The following ABTB3 variants were observed in gnomAD, a reference collection of about 807,000 sequenced individuals.
The protein encoded by ABTB3 is ankyrin repeat- and BTB/POZ domain-containing protein 3.
the ABTB3 span, among the ~76,000 whole-genome samples, chr12:107,329,570 T>G: frequency 6.6e-6 from 1 of 152,258 alleles, no homozygotes; most frequent in Non-Finnish European, 1.5e-5. Flanking sequence ...ACTGAGTGAC[T>G]GAAAAGCCTT....
At chr12:107,559,268 G>T in the ABTB3 span, among the ~76,000 whole-genome samples, 7 of 152,280 alleles carry the variant, frequency 4.6e-5, no homozygotes, top group East Asian at 1.4e-3. Context: ...CCTTTCTCCC[G>T]AATGGTCCCA....
At chr12:107,651,541 C>A in the ABTB3 span, 2 of 563,010 alleles carry the variant, frequency 3.6e-6, no homozygotes, top group Non-Finnish European at 6.6e-6. Context: ...CTTTGTGCAT[C>A]ATTTCCCGTC....
chr12:107,617,596 A>G, the ABTB3 span: 3 of 869,492 alleles, frequency 3.5e-6, no homozygotes, highest in African/African-American at 3.4e-5. Flanking sequence ...CCTACCTGCC[A>G]GCTGACAGCC....
chr12:107,637,784 TTTTGTGTGTGTGTG>T, the ABTB3 span, among the ~76,000 whole-genome samples: 10 of 94,812 alleles, frequency 1.1e-4, no homozygotes, highest in Admixed American at 3.8e-4. Flanking sequence ...AGAGCACTGA[TTTTGTGTGTGTGTG>T]TGTGTGTGTG....
the ABTB3 span, among the ~76,000 whole-genome samples, chr12:107,525,727 G>A: frequency 1.3e-5 from 2 of 152,182 alleles, no homozygotes; most frequent in Non-Finnish European, 2.9e-5. Context: ...TTTCCTCAGG[G>A]CCTCATATTA....
the ABTB3 span, chr12:107,319,890 C>A: frequency 7.5e-7 from 1 of 1,339,072 alleles, no homozygotes; most frequent in Non-Finnish European, 9.8e-7. Flanking sequence ...TGCGCCCCGC[C>A]GGCCGCCGCG....
the ABTB3 span, chr12:107,657,790 G>A: frequency 2.0e-6 from 3 of 1,516,294 alleles, no homozygotes; most frequent in Middle Eastern, 2.3e-4. Context: ...CACAAACACA[G>A]ACAAATTCCA....
the ABTB3 span, among the ~76,000 whole-genome samples, chr12:107,487,214 G>A: frequency 3.3e-5 from 5 of 152,128 alleles, no homozygotes; most frequent in South Asian, 2.1e-4. Context: ...CAGAGAAGTC[G>A]TCTGTTCATC....
the ABTB3 span, among the ~76,000 whole-genome samples, chr12:107,368,348 A>G: frequency 1.3e-5 from 2 of 152,240 alleles, no homozygotes; most frequent in Non-Finnish European, 2.9e-5. Flanking sequence ...AACAAGTCAC[A>G]TGGCCATTCT....
chr12:107,344,455 C>A, the ABTB3 span, among the ~76,000 whole-genome samples: 2 of 152,176 alleles, frequency 1.3e-5, no homozygotes, highest in Non-Finnish European at 2.9e-5. Flanking sequence ...AGAGTAAGTG[C>A]CTGTCAGAGA....
the ABTB3 span, among the ~76,000 whole-genome samples, chr12:107,623,461 G>A: frequency 0.1 from 14,944 of 148,904 alleles, 810 homozygotes; most frequent in African/African-American, 0.12. Context: ...CTGCCTCTCA[G>A]GTTCAAGCGA....
chr12:107,585,501 C>T, the ABTB3 span, among the ~76,000 whole-genome samples: 1 of 152,196 alleles, frequency 6.6e-6, no homozygotes, highest in Admixed American at 6.5e-5. Flanking sequence ...CAAGTCCCCT[C>T]CCCCATCTCA....
the ABTB3 span, among the ~76,000 whole-genome samples, chr12:107,490,070 A>G: frequency 6.6e-6 from 1 of 152,208 alleles, no homozygotes; most frequent in African/African-American, 2.4e-5. Context: ...TACAAAAGTG[A>G]GCTCCACTCA....
chr12:107,526,123 C>A, the ABTB3 span, among the ~76,000 whole-genome samples: 3 of 152,098 alleles, frequency 2.0e-5, no homozygotes, highest in Non-Finnish European at 2.9e-5. Flanking sequence ...GAAACAAAAA[C>A]TGAAGAAAAT....
At chr12:107,503,410 G>A in the ABTB3 span, among the ~76,000 whole-genome samples, 3 of 152,062 alleles carry the variant, frequency 2.0e-5, no homozygotes, top group African/African-American at 4.8e-5. Context: ...GGCCAACCCT[G>A]GGGACTGCCC....
chr12:107,449,186 G>T, the ABTB3 span, among the ~76,000 whole-genome samples: 12 of 152,328 alleles, frequency 7.9e-5, no homozygotes, highest in East Asian at 1.5e-3. Flanking sequence ...CCTATAGCCA[G>T]CTGGGCTCCA....
At chr12:107,481,945 G>A in the ABTB3 span, among the ~76,000 whole-genome samples, 2 of 110,546 alleles carry the variant, frequency 1.8e-5, no homozygotes, top group East Asian at 2.4e-4. Flanking sequence ...CTCCCTCTCA[G>A]TGGTCCCTGT....
chr12:107,600,982 C>G, the ABTB3 span, among the ~76,000 whole-genome samples: 2 of 152,134 alleles, frequency 1.3e-5, no homozygotes, highest in Non-Finnish European at 2.9e-5. Flanking sequence ...GGGGGGGTGT[C>G]CAGATGGCCT....
the ABTB3 span, among the ~76,000 whole-genome samples, chr12:107,495,743 G>A: frequency 6.6e-6 from 1 of 152,178 alleles, no homozygotes; most frequent in Admixed American, 6.5e-5. Context: ...TTCTCATTGT[G>A]CCTAACATAA....
Sources: allele counts gnomAD v4.1 joint callset (sites outside exome capture counted in the v4.1 genomes callset), GRCh38; gene constraint gnomAD v4.1.1; transcripts MANE v1.5; gene names NCBI Gene and HGNC (gene_info 2026-07-23, HGNC 2026-07-21).